Variants in CDC123 observed in about 807,000 individuals in gnomAD.
The protein encoded by CDC123 is translation initiation factor eIF2 assembly protein.
CDC123 carries 37 observed loss-of-function variants against 54.4 expected under a neutral mutation model. That is an observed-to-expected ratio of 0.68 (90% CI 0.52 to 0.89). The LOEUF is 0.89. CDC123 is among the 40% of genes least tolerant of loss of function. CDC123 has a pLI of 0.00. For synonymous variants in CDC123, 144 were observed against 136.8 expected (o/e 1.05, Z -0.37); for missense variants, 361 against 412.1 (o/e 0.88, Z 1.07).
intron 2 of CDC123, among the ~76,000 whole-genome samples, chr10:12,208,612 C>G (rs902994135): frequency 6.6e-6 from 1 of 152,122 alleles, no homozygotes; most frequent in Non-Finnish European, 1.5e-5. Context: ...CTTTGTGCAG[C>G]GCTGATAATG....
At chr10:12,205,212 G>C (rs963820305) in intron 2 of CDC123, among the ~76,000 whole-genome samples, 5 of 151,988 alleles carry the variant, frequency 3.3e-5, no homozygotes, top group African/African-American at 1.2e-4. Flanking sequence ...TTAACATAAT[G>C]ATCTCCAGTT....
intron 10 of CDC123, among the ~76,000 whole-genome samples, chr10:12,238,931 A>T (rs771582196): frequency 7.9e-5 from 12 of 152,084 alleles, no homozygotes; most frequent in Non-Finnish European, 1.5e-4. Context: ...CAGAGATTGC[A>T]GTGAGCGGAG....
chr10:12,204,046 T>G (rs1835480592), intron 2 of CDC123, among the ~76,000 whole-genome samples: 1 of 146,746 alleles, frequency 6.8e-6, no homozygotes, highest in East Asian at 2.0e-4. Flanking sequence ...TGAGCTATGA[T>G]CATGCCTCTG....
chr10:12,218,069 C>T (rs975272696), intron 6 of CDC123, among the ~76,000 whole-genome samples: 3 of 151,764 alleles, frequency 2.0e-5, no homozygotes, highest in East Asian at 1.9e-4. Context: ...GTAGCCTGGG[C>T]GACAGAGCGA....
intron 6 of CDC123, among the ~76,000 whole-genome samples, chr10:12,223,154 G>A (rs1028933052): frequency 1.3e-5 from 2 of 152,038 alleles, no homozygotes; most frequent in African/African-American, 2.4e-5. Flanking sequence ...TTGGTCTCCC[G>A]AAGTGCTGGG....
At position 12,196,280 on chromosome 10, in the gene CDC123, C is replaced by T. The variant is rs768428123; in HGVS notation, c.35C>T (p.Ser12Phe). The T allele has an allele frequency of 6.2e-6, 10 of 1,613,792 alleles. No homozygotes were observed. The highest frequency in any genetic ancestry group is 8.5e-6 in the Non-Finnish European group (10 of 1,179,890). ...GAGCATGTGCTTCACTGCCAGTTCTCCGCGTGGTACCCGTTCTTCCGAGGC... is the reference window on the plus strand; with the variant it reads ...GAGCATGTGCTTCACTGCCAGTTCTTCGCGTGGTACCCGTTCTTCCGAGGC... Reference protein sequence around the residue: ...KKEHVLHCQFSAWYPFFRGVT... With the variant: ...KKEHVLHCQFFAWYPFFRGVT... The change falls in exon 1 of 13, where the codon TCC (serine) becomes TTC (phenylalanine). Residue 12 changes from serine to phenylalanine, a missense_variant. Ser to Phe is a radical substitution (Grantham distance 155). Coordinates refer to ENST00000281141, the MANE Select transcript of CDC123 (RefSeq NM_006023.3).
intron 2 of CDC123, among the ~76,000 whole-genome samples, chr10:12,200,888 A>G (rs961780581): frequency 6.6e-6 from 1 of 152,084 alleles, no homozygotes; most frequent in African/African-American, 2.4e-5. Context: ...AGCCGAGATC[A>G]TGCCATTGCG....
At chr10:12,218,841 G>A (rs949564878) in intron 6 of CDC123, among the ~76,000 whole-genome samples, 1 of 152,176 alleles carries the variant, frequency 6.6e-6, no homozygotes, top group South Asian at 2.1e-4. Context: ...TAGGTGGACG[G>A]AATACCTGCC....
chr10:12,248,588 C>T (rs961755010), intron 11 of CDC123, among the ~76,000 whole-genome samples: 2 of 151,652 alleles, frequency 1.3e-5, no homozygotes, highest in African/African-American at 4.8e-5. Flanking sequence ...GGTGGATCAC[C>T]TGAGGTTGGG....
rs372353992 is a variant in CDC123, at chr10:12,248,305, C to T, written c.847-1276C>T. Among the ~76,000 whole-genome samples, 70 of 150,806 alleles carry T rather than the reference C, an allele frequency of 4.6e-4. 2 individuals are homozygous for T. In the East Asian group the frequency reaches 0.011, roughly 25 times the overall value. On this transcript the variant is annotated intron_variant, in intron 11 of 12. Coordinates refer to ENST00000281141, the MANE Select transcript of CDC123 (RefSeq NM_006023.3). ...GGTGGATCACCTGAGGTCAGGAGTT[C>T]GAGACCAGCCTGGCCAACATGGTGA...
chr10:12,238,623 C>CTTAG (rs1836010627), intron 10 of CDC123, 138 bp downstream of exon 10: 23 of 1,018,834 alleles, frequency 2.3e-5, no homozygotes, highest in Non-Finnish European at 3.1e-5. Context: ...TGCCTGTATT[C>CTTAG]CCAGCACTTT....
chr10:12,216,997 C>G (rs1457075225), intron 5 of CDC123, among the ~76,000 whole-genome samples: 1 of 152,196 alleles, frequency 6.6e-6, no homozygotes, highest in Non-Finnish European at 1.5e-5. Context: ...TCTCTCTTTT[C>G]TTGGAGAGTA....
intron 6 of CDC123, among the ~76,000 whole-genome samples, chr10:12,220,983 A>G (rs1005050899): frequency 6.6e-6 from 1 of 151,834 alleles, no homozygotes; most frequent in African/African-American, 2.4e-5. Context: ...TCTCAAAAAA[A>G]AAAAAAAGTT....
chr10:12,208,034 T>G (rs1018993558), intron 2 of CDC123, among the ~76,000 whole-genome samples: 2 of 152,226 alleles, frequency 1.3e-5, no homozygotes, highest in African/African-American at 4.8e-5. Context: ...CTTTCTGTTT[T>G]CCAAACTTTT....
intron 6 of CDC123, among the ~76,000 whole-genome samples, chr10:12,227,154 G>T (rs188811824): frequency 6.6e-6 from 1 of 152,104 alleles, no homozygotes; most frequent in Non-Finnish European, 1.5e-5. Flanking sequence ...CACTCGGCAG[G>T]CTGAAGCAGG....
At chr10:12,223,141 A>C (rs1186685514) in intron 6 of CDC123, among the ~76,000 whole-genome samples, 1 of 151,542 alleles carries the variant, frequency 6.6e-6, no homozygotes, top group Non-Finnish European at 1.5e-5. Flanking sequence ...TGATCCGCCC[A>C]CCTTGGTCTC....
At chr10:12,202,750 C>T (rs1588669009) in intron 2 of CDC123, among the ~76,000 whole-genome samples, 1 of 152,356 alleles carries the variant, frequency 6.6e-6, no homozygotes, top group Non-Finnish European at 1.5e-5. Context: ...TGTGGTGGCT[C>T]ACGCCTGTAA....
intron 6 of CDC123, among the ~76,000 whole-genome samples, chr10:12,226,332 C>T (rs993986928): frequency 4.8e-5 from 7 of 145,966 alleles, no homozygotes; most frequent in Admixed American, 1.4e-4. Context: ...CCCTCCTGGA[C>T]GGGGCGGCTG....
Position 12,250,007 on chromosome 10 carries a change from G to A in CDC123, c.984+289G>A, listed in dbSNP as rs534770938. ...TGTGTATATTGTTAGAAGGCTGTAA[G>A]GAGAGCAGGTCTCTGCTCTGGTGGT... On this transcript the variant is annotated intron_variant, in intron 12 of 12. Coordinates refer to ENST00000281141, the MANE Select transcript of CDC123 (RefSeq NM_006023.3). The A allele has an allele frequency of 1.6e-5, 8 of 486,626 alleles. No individual in the cohort carries two copies. The East Asian group carries it at 2.3e-4, about 14-fold the overall frequency. The allele number at this position is 486,626 out of a possible 1,614,324, so 30.1% of individuals were successfully genotyped here.
Sources: gnomAD v4.1 joint callset for allele counts (sites outside exome capture counted in the v4.1 genomes callset) on GRCh38, gnomAD v4.1.1 for gene constraint, MANE v1.5 for transcripts, NCBI Gene and HGNC (gene_info 2026-07-23, HGNC 2026-07-21) for gene names.